Variants in SCAI observed in about 807,000 individuals in gnomAD.
The protein encoded by SCAI is protein SCAI.
In SCAI, 24 loss-of-function variants were observed where a neutral mutation model predicts 92.2. The observed-to-expected ratio is 0.26, with a 90% CI of 0.19 to 0.37. SCAI has a LOEUF of 0.37. SCAI is among the 10% of genes least tolerant of loss of function. SCAI has a pLI of 1.00. For synonymous variants in SCAI, 261 were observed against 258.6 expected (o/e 1.01, Z -0.09); for missense variants, 450 against 736.2 (o/e 0.61, Z 4.50).
chr9:125,065,384 T>C (rs1429404781), intron 2 of SCAI, among the ~76,000 whole-genome samples: 1 of 152,178 alleles, frequency 6.6e-6, no homozygotes. Flanking sequence ...CTAAACCTGA[T>C]ACACAAAGAA....
intron 2 of SCAI, among the ~76,000 whole-genome samples, chr9:125,120,476 T>C (rs1227822068): frequency 2.1e-4 from 32 of 152,154 alleles, no homozygotes. Context: ...GTGAATCACC[T>C]GAGGTCAGGA....
At chr9:125,052,428 G>A (rs776775698) in intron 3 of SCAI, among the ~76,000 whole-genome samples, 139 of 152,138 alleles carry the variant, frequency 9.1e-4, no homozygotes, top group Non-Finnish European at 1.5e-3. Flanking sequence ...AAAATTAGCC[G>A]GGCATGGTGA....
intron 14 of SCAI, among the ~76,000 whole-genome samples, chr9:124,993,534 G>C (rs943295705): frequency 2.0e-5 from 3 of 152,168 alleles, no homozygotes; most frequent in Non-Finnish European, 4.4e-5. Context: ...AGGTTGCAGT[G>C]AGCTGAGATC....
intron 3 of SCAI, among the ~76,000 whole-genome samples, chr9:125,050,289 AG>A (rs751549224): frequency 1.3e-5 from 2 of 152,270 alleles, no homozygotes; most frequent in South Asian, 2.1e-4. Context: ...AGGTGGGCGC[AG>A]GGGGATAGCA....
chr9:125,027,104 T>C (rs1272236514), intron 5 of SCAI, among the ~76,000 whole-genome samples, 194 bp from the exon 6 acceptor site: 3 of 152,160 alleles, frequency 2.0e-5, no homozygotes, highest in African/African-American at 7.2e-5. Context: ...GAAATTTTTT[T>C]AAAAACCTCC....
chr9:125,142,479 C>T, intron 2 of SCAI, 154 bp downstream of exon 2: 1 of 588,472 alleles, frequency 1.7e-6, no homozygotes, highest in Admixed American at 3.3e-5. Flanking sequence ...AATTTGAAGT[C>T]CTCAAAAGAA....
chr9:125,072,505 CTA>C (rs981181513), intron 2 of SCAI, among the ~76,000 whole-genome samples: 2 of 151,896 alleles, frequency 1.3e-5, no homozygotes, highest in African/African-American at 4.8e-5. Flanking sequence ...AAATTTATTC[CTA>C]TGACTTATTT....
At chr9:125,006,407 A>G (rs1832507845) in intron 9 of SCAI, among the ~76,000 whole-genome samples, 1 of 152,260 alleles carries the variant, frequency 6.6e-6, no homozygotes, top group Admixed American at 6.5e-5. Context: ...AGTTAGTTTC[A>G]TATGCTTAAA....
In SCAI at chr9:124,966,791, T is replaced by TC. The variant is rs1831549979; in HGVS notation, c.1674+4578_1674+4579insG. On this transcript the variant is annotated intron_variant, in intron 17 of 17. Coordinates refer to ENST00000336505, the MANE Select transcript of SCAI (RefSeq NM_001144877.3). ...TGTTTCATTATTAAGAGTTTTTTTT[T>TC]TCTAAGAGATAGGATCTTCCTATGT... Among the ~76,000 whole-genome samples, 6 of 151,502 alleles carry TC rather than the reference T, an allele frequency of 4.0e-5. No individual in the cohort carries two copies. In the Admixed American group the frequency reaches 4.0e-4, roughly 10 times the overall value.
chr9:125,023,898 G>T (rs16927816), intron 6 of SCAI, among the ~76,000 whole-genome samples: 2 of 151,874 alleles, frequency 1.3e-5, no homozygotes, highest in African/African-American at 2.4e-5. Context: ...AATCAAGCCC[G>T]ATAACCTGAA....
chr9:125,056,712 C>T (rs1386683212), intron 2 of SCAI, among the ~76,000 whole-genome samples: 2 of 152,108 alleles, frequency 1.3e-5, no homozygotes, highest in South Asian at 2.1e-4. Context: ...ACACTTTATC[C>T]GTGTATTTAT....
intron 6 of SCAI, 46 bp from the exon 7 acceptor site, chr9:125,020,815 G>A (rs1832856579): frequency 1.2e-6 from 1 of 862,536 alleles, no homozygotes; most frequent in Non-Finnish European, 1.8e-6. Context: ...AAAAAAGAAT[G>A]CTTTTTGATT....
At chr9:125,072,939 A>G (rs893108180) in intron 2 of SCAI, among the ~76,000 whole-genome samples, 4 of 151,938 alleles carry the variant, frequency 2.6e-5, no homozygotes, top group Non-Finnish European at 5.9e-5. Flanking sequence ...TCATCCACTG[A>G]TGGACACATG....
chr9:125,098,049 G>T (rs1459066938), intron 2 of SCAI, among the ~76,000 whole-genome samples: 1 of 146,906 alleles, frequency 6.8e-6, no homozygotes, highest in Non-Finnish European at 1.5e-5. Context: ...ATATATATAT[G>T]TGTATATACA....
At chr9:125,137,963 C>T (rs1835575370) in intron 2 of SCAI, among the ~76,000 whole-genome samples, 1 of 152,186 alleles carries the variant, frequency 6.6e-6, no homozygotes, top group Non-Finnish European at 1.5e-5. Context: ...GAAAACTGAA[C>T]TTTATTTTCT....
intron 9 of SCAI, among the ~76,000 whole-genome samples, chr9:125,010,198 G>A (rs941210933): frequency 2.0e-5 from 3 of 152,212 alleles, no homozygotes; most frequent in African/African-American, 7.2e-5. Flanking sequence ...TGGGTGCAGC[G>A]CACCGTGCGC....
At chr9:125,121,797 GA>G (rs1252739259) in intron 2 of SCAI, among the ~76,000 whole-genome samples, 3 of 152,126 alleles carry the variant, frequency 2.0e-5, no homozygotes, top group Non-Finnish European at 4.4e-5. Context: ...AGGTTGCAAT[GA>G]GCCGGGAGAT....
chr9:125,061,888 A>T (rs893779709), intron 2 of SCAI, among the ~76,000 whole-genome samples: 1 of 152,092 alleles, frequency 6.6e-6, no homozygotes, highest in African/African-American at 2.4e-5. Flanking sequence ...AAACTTAGAG[A>T]TATAGGAAAA....
In SCAI at chr9:124,995,025, C is replaced by A; in HGVS notation, c.1245-10G>T. ...ATCCCCGGGATGAAGGCTGGGAAAA[C>A]AACAACGAAGAACTGTTAAACTGTG... On this transcript the variant is annotated splice_polypyrimidine_tract_variant and intron_variant, in intron 13 of 17. Transcript: ENST00000336505. 1 of 1,596,038 alleles carries A rather than the reference C, an allele frequency of 6.3e-7. No homozygotes were observed. Among genetic ancestry groups the A allele is most frequent in the Non-Finnish European group, 8.6e-7 (1 of 1,167,152 alleles).
Sources: gnomAD v4.1 joint callset for allele counts (sites outside exome capture counted in the v4.1 genomes callset) on GRCh38, gnomAD v4.1.1 for gene constraint, MANE v1.5 for transcripts, NCBI Gene and HGNC (gene_info 2026-07-23, HGNC 2026-07-21) for gene names.